GLT6D1: variants seen among roughly 807,000 people sequenced by gnomAD.
GLT6D1 encodes putative glycosyltransferase 6 domain-containing protein 1.
A neutral mutation model predicts 12.3 loss-of-function variants in GLT6D1; 9 were observed. The ratio of observed to expected loss-of-function variants is 0.73; its 90% confidence interval spans 0.44 to 1.27. The LOEUF (loss-of-function observed/expected upper bound fraction) is 1.27. GLT6D1 is among the 50% of genes most tolerant of loss of function. The pLI, the probability that GLT6D1 is intolerant of heterozygous loss-of-function variation, is 0.00. For missense variants in GLT6D1, 335 were observed against 346.2 expected (o/e 0.97, Z 0.26); for synonymous variants, 128 against 132.3 (o/e 0.97, Z 0.23).
chr9:135,632,964 G>A (rs549727731), intron 2 of GLT6D1, among the ~76,000 whole-genome samples: 10 of 152,068 alleles, frequency 6.6e-5, no homozygotes, highest in South Asian at 2.1e-4. Context: ...CACCACGCAC[G>A]GCCTGTCCTG....
chr9:135,625,179 G>C (rs1833479901), intron 4 of GLT6D1, among the ~76,000 whole-genome samples: 1 of 152,142 alleles, frequency 6.6e-6, no homozygotes, highest in African/African-American at 2.4e-5. Context: ...GTTGGTGAGT[G>C]GGAAGGAATG....
chr9:135,632,517 C>T (rs1340700764), intron 2 of GLT6D1, among the ~76,000 whole-genome samples: 3 of 152,186 alleles, frequency 2.0e-5, no homozygotes, highest in Admixed American at 6.5e-5. Context: ...AAACATGAAA[C>T]GAAAAGGGGG....
Position 135,624,513 on chromosome 9 carries a change from T to G in GLT6D1, c.415A>C (p.Thr139Pro). The change falls in exon 5 of 5, where the codon ACC becomes CCC. Residue 139 changes from threonine (T) to proline (P), a missense_variant. Thr to Pro is a conservative substitution (Grantham distance 38). Transcript: ENST00000371763. ...LRTFKAFKVG[T>P]ERWWLDGPLV... The stretch of plus-strand genomic sequence containing the variant: ...GGGCCATCGAGCCACCACCTCTCGG[T>G]GCCCACTTTAAATGCTTTGAACGTT... The G allele has an allele frequency of 6.2e-7, 1 of 1,614,078 alleles. No homozygotes were observed. Among genetic ancestry groups the G allele is most frequent in the Non-Finnish European group, 8.5e-7 (1 of 1,180,016 alleles).
At chr9:135,627,411 T>C (rs1833547626) in intron 3 of GLT6D1, among the ~76,000 whole-genome samples, 1 of 152,232 alleles carries the variant, frequency 6.6e-6, no homozygotes, top group Non-Finnish European at 1.5e-5. Context: ...TACTTTGATA[T>C]ATCACTACCC....
At chr9:135,629,840 C>A (rs1000452440) in intron 3 of GLT6D1, among the ~76,000 whole-genome samples, 1 of 151,926 alleles carries the variant, frequency 6.6e-6, no homozygotes, top group Non-Finnish European at 1.5e-5. Flanking sequence ...ATAAAATGCC[C>A]CATTTTTTTT....
intron 3 of GLT6D1, among the ~76,000 whole-genome samples, chr9:135,627,968 G>T (rs1833556929): frequency 1.3e-5 from 2 of 151,974 alleles, no homozygotes; most frequent in South Asian, 4.1e-4. Flanking sequence ...TGTGCTTATT[G>T]GCCATTAGTA....
intron 2 of GLT6D1, among the ~76,000 whole-genome samples, chr9:135,636,921 C>T (rs1370399095): frequency 1.3e-5 from 2 of 152,116 alleles, no homozygotes; most frequent in African/African-American, 2.4e-5. Flanking sequence ...GGCGTGATCT[C>T]AGCTCACCGC....
chr9:135,632,584 C>T (rs755804699), intron 2 of GLT6D1, among the ~76,000 whole-genome samples: 32 of 152,060 alleles, frequency 2.1e-4, no homozygotes, highest in Admixed American at 1.8e-3. Flanking sequence ...TTTCTGGGGC[C>T]CTGCAGAATG....
intron 2 of GLT6D1, among the ~76,000 whole-genome samples, chr9:135,637,934 G>A (rs936570985): frequency 6.6e-6 from 1 of 152,186 alleles, no homozygotes; most frequent in African/African-American, 2.4e-5. Context: ...TTATGAAGAA[G>A]ACCATGAGGA....
chr9:135,624,348 G>A lies in GLT6D1; in HGVS notation c.580C>T (p.Leu194Phe). The change falls in exon 5 of 5, where the codon CTC (leucine) becomes TTC (phenylalanine). Residue 194 changes from leucine (L) to phenylalanine (F), a missense_variant. By Grantham distance (22) the Leu-to-Phe change is conservative. Coordinates refer to ENST00000371763, the MANE Select transcript of GLT6D1 (RefSeq NM_182974.3). The part of the protein sequence containing the change: ...VETLGPLVAQ[L>F]HAWWYFRNTK... ...TTTCTGAAATACCACCAGGCGTGGA[G>A]CTGGGCCACCAACGGGCCCAGGGTC... is the stretch of plus-strand genomic sequence containing the variant. 2 of 1,613,650 alleles carry A rather than the reference G, an allele frequency of 1.2e-6. No individual in the cohort carries two copies. The highest frequency in any genetic ancestry group is 1.7e-5 in the Admixed American group (1 of 59,990).
At chr9:135,628,749 GT>G (rs1412919242) in intron 3 of GLT6D1, among the ~76,000 whole-genome samples, 1 of 151,984 alleles carries the variant, frequency 6.6e-6, no homozygotes, top group African/African-American at 2.4e-5. Flanking sequence ...CTAATTCAAT[GT>G]ATTTACTTAT....
chr9:135,634,794 C>T (rs754482237), intron 2 of GLT6D1, among the ~76,000 whole-genome samples: 33 of 152,054 alleles, frequency 2.2e-4, no homozygotes, highest in Non-Finnish European at 2.1e-4. Context: ...CCACACTCCA[C>T]TCAGCCTCCT....
At chr9:135,626,021 A>T (rs745310950) in intron 4 of GLT6D1, 48 bp downstream of exon 4, 16 of 1,603,826 alleles carry the variant, frequency 1.0e-5, no homozygotes, top group Non-Finnish European at 1.3e-5. Flanking sequence ...GTGAATGCTG[A>T]TCCACATTTT....
In GLT6D1 at chr9:135,623,773, T is replaced by A. The variant is rs1833415659; in HGVS notation, c.*324A>T. 2 of 199,166 alleles carry A rather than the reference T, an allele frequency of 1.0e-5. No individual in the cohort carries two copies. Among genetic ancestry groups the A allele is most frequent in the East Asian group, 2.7e-4 (2 of 7,326 alleles). 12.3% of individuals were successfully genotyped at this position (199,166 alleles called of 1,614,324 possible). A position where few individuals can be genotyped will look rare whatever the true frequency, so the allele number is the denominator to read the frequency against. On this transcript the variant is annotated 3_prime_UTR_variant, in exon 5 of 5. Transcript: ENST00000371763. ...CTATGTCAAATGTATTTTCACATTG[T>A]CTACAATACATAGATAATAACATTA... is the stretch of plus-strand genomic sequence containing the variant.
rs1048530943 is a variant in GLT6D1 at position 135,635,158 on chromosome 9, C to T, written c.72-3680G>A. ...TTTTGCTCCTCCAATCATTCATTTA[C>T]ATCAGTATGAACTTGTGGAAGTTCG... On this transcript the variant is annotated intron_variant, in intron 2 of 4. Coordinates refer to ENST00000371763, the MANE Select transcript of GLT6D1 (RefSeq NM_182974.3). 6.4e-4 allele frequency among the ~76,000 whole-genome samples: 97 copies of T among 152,150 alleles called. 1 individual carries two copies. Among genetic ancestry groups the T allele is most frequent in the African/African-American group, 2.3e-3 (97 of 41,438 alleles).
At chr9:135,625,070 A>G (rs1159924341) in intron 4 of GLT6D1, among the ~76,000 whole-genome samples, 6 of 151,742 alleles carry the variant, frequency 4.0e-5, no homozygotes, top group African/African-American at 1.4e-4. Context: ...AAACATGATC[A>G]GGAGAAGAGG....
chr9:135,625,409 G>A (rs1396315872), intron 4 of GLT6D1, among the ~76,000 whole-genome samples: 5 of 152,194 alleles, frequency 3.3e-5, no homozygotes, highest in African/African-American at 1.2e-4. Context: ...GCCTTAAATC[G>A]GCTCAGGTCA....
chr9:135,635,739 G>T (rs182200324), intron 2 of GLT6D1, among the ~76,000 whole-genome samples: 1 of 152,208 alleles, frequency 6.6e-6, no homozygotes, highest in African/African-American at 2.4e-5. Flanking sequence ...TAACCTGTGC[G>T]TATTTCCACA....
rs1833419031 is a variant in GLT6D1, at chr9:135,623,944, C to T, written c.*153G>A. 1.7e-6 allele frequency: 1 copy of T among 578,194 alleles called. No homozygotes were observed. The highest frequency in any genetic ancestry group is 3.6e-5 in the Admixed American group (1 of 28,084). The allele number at this position is 578,194 out of a possible 1,614,324, so 35.8% of individuals were successfully genotyped here. On this transcript the variant is annotated 3_prime_UTR_variant, in exon 5 of 5. Coordinates refer to ENST00000371763, the MANE Select transcript of GLT6D1 (RefSeq NM_182974.3). ...AAAAATGGAAGGTCTTAAGACTTCC[C>T]TCATTTATAAGAAATTGCCGTGATT...
Sources: gnomAD v4.1 joint callset for allele counts (sites outside exome capture counted in the v4.1 genomes callset) on GRCh38, gnomAD v4.1.1 for gene constraint, MANE v1.5 for transcripts, NCBI Gene and HGNC (gene_info 2026-07-23, HGNC 2026-07-21) for gene names.